Variants in WASF3 observed in about 807,000 individuals in gnomAD.
WASF3 encodes WASP family member 3, also known as actin-binding protein WASF3.
A neutral mutation model predicts 46.6 loss-of-function variants in WASF3; 11 were observed. The ratio of observed to expected loss-of-function variants is 0.24; its 90% CI spans 0.15 to 0.39. The LOEUF is 0.39. Ranked by LOEUF, WASF3 falls within the 10% of genes least tolerant of loss-of-function variation. The pLI is 1.00. For synonymous variants in WASF3, 242 were observed against 259.7 expected (o/e 0.93, Z 0.65); for missense variants, 576 against 669.8 (o/e 0.86, Z 1.55).
chr13:26,642,379 A>G lies in WASF3; in HGVS notation c.109A>G (p.Ile37Val), dbSNP rs143970554. 4.9e-5 allele frequency: 79 copies of G among 1,606,026 alleles called. No individual in the cohort carries two copies. The African/African-American group carries it at 8.5e-4, about 17-fold the overall frequency. ...ECVTNSTLAA[I>V]IRQLSSLSKH... ...TGTAACCAATAGTACTCTTGCCGCT[A>G]TCATACGCCAGCTGAGCAGTCTGAG... Residue 37 changes from isoleucine to valine, a missense_variant, in exon 3 of 10, where the codon ATC (isoleucine) becomes GTC (valine). Ile to Val is a conservative substitution (Grantham distance 29, BLOSUM62 3). Around this residue, in one of 3 missense-constraint regions of WASF3, gnomAD observed 213 missense variants for 278.0 expected, o/e 0.77. Coordinates refer to ENST00000335327, the MANE Select transcript of WASF3 (RefSeq NM_006646.6).
chr13:26,616,992 T>A (rs1881154351), intron 2 of WASF3, among the ~76,000 whole-genome samples: 1 of 152,240 alleles, frequency 6.6e-6, no homozygotes, highest in Admixed American at 6.5e-5. Context: ...CATTTCTGAT[T>A]GAATTGTATT....
At chr13:26,673,555 C>T (rs181441930) in intron 6 of WASF3, among the ~76,000 whole-genome samples, 17 of 152,182 alleles carry the variant, frequency 1.1e-4, no homozygotes, top group Admixed American at 2.6e-4. Context: ...CATATAGGTC[C>T]GCTTCATATG....
chr13:26,678,866 C>G (rs1593186323), intron 7 of WASF3, among the ~76,000 whole-genome samples: 1 of 152,186 alleles, frequency 6.6e-6, no homozygotes, highest in Admixed American at 6.5e-5. Flanking sequence ...ACCCAAAAAA[C>G]CCTGGGGGAT....
intron 2 of WASF3, among the ~76,000 whole-genome samples, chr13:26,635,870 G>A (rs972541981): frequency 2.6e-5 from 4 of 152,278 alleles, no homozygotes; most frequent in South Asian, 4.1e-4. Context: ...TGCCTGATGC[G>A]TCCTCTGAAA....
In WASF3 at chr13:26,685,968, C is replaced by A; in HGVS notation, c.*123C>A. 7.6e-7 allele frequency: 1 copy of A among 1,323,406 alleles called. No individual in the cohort carries two copies. Among genetic ancestry groups the A allele is most frequent in the Non-Finnish European group, 1.0e-6 (1 of 992,554 alleles). 82.0% of individuals were successfully genotyped at this position (1,323,406 alleles called of 1,614,324 possible). A position where few individuals can be genotyped will look rare whatever the true frequency, so the allele number is the denominator to read the frequency against. ...CTTTTGTATAAACAATGTGATATTG[C>A]TTCTGCACATCCAAAAATTCTGGGT... On this transcript the variant is annotated 3_prime_UTR_variant, in exon 10 of 10. Coordinates refer to ENST00000335327, the MANE Select transcript of WASF3 (RefSeq NM_006646.6).
At chr13:26,685,625 C>A in intron 9 of WASF3, 63 bp from the exon 10 acceptor site, 2 of 1,582,826 alleles carry the variant, frequency 1.3e-6, no homozygotes, top group South Asian at 2.3e-5. Flanking sequence ...CATATTTGTT[C>A]GTTTATCTTT....
At chr13:26,585,187 A>G (rs1880094730) in intron 1 of WASF3, among the ~76,000 whole-genome samples, 1 of 152,084 alleles carries the variant, frequency 6.6e-6, no homozygotes, top group Non-Finnish European at 1.5e-5. Context: ...CAAATTGACA[A>G]GAACTTGGAG....
the WASF3 span, among the ~76,000 whole-genome samples, chr13:26,551,804 G>A: frequency 1.3e-5 from 2 of 152,170 alleles, no homozygotes; most frequent in African/African-American, 4.8e-5. Context: ...TATTTTTAAG[G>A]GCTTTATTTG....
chr13:26,582,992 G>C (rs1298570838), intron 1 of WASF3, among the ~76,000 whole-genome samples: 4 of 152,192 alleles, frequency 2.6e-5, no homozygotes, highest in African/African-American at 9.7e-5. Flanking sequence ...ATAATGACAG[G>C]CACCTCTATG....
chr13:26,669,495 C>T (rs1882868095), intron 5 of WASF3, among the ~76,000 whole-genome samples: 1 of 137,630 alleles, frequency 7.3e-6, no homozygotes, highest in Non-Finnish European at 1.5e-5. Flanking sequence ...ATAAGAAGTA[C>T]AAAGTGACTG....
chr13:26,635,496 G>A (rs12864079), intron 2 of WASF3, among the ~76,000 whole-genome samples: 36,314 of 152,182 alleles, frequency 0.24, 4,977 homozygotes, highest in Non-Finnish European at 0.32. Context: ...CTGTCAACTC[G>A]TCAAAGTCAT....
chr13:26,676,437 T>C, intron 6 of WASF3, 112 bp from the exon 7 acceptor site: 1 of 1,160,650 alleles, frequency 8.6e-7, no homozygotes, highest in Middle Eastern at 2.6e-4. Flanking sequence ...GAAATGCGAA[T>C]GTGTCTTGTC....
At chr13:26,598,934 G>A (rs1029880741) in intron 1 of WASF3, among the ~76,000 whole-genome samples, 1 of 152,034 alleles carries the variant, frequency 6.6e-6, no homozygotes, top group South Asian at 2.1e-4. Context: ...GCACTGGCAC[G>A]ATCTTGGCTC....
At chr13:26,646,069 A>T (rs932929840) in intron 3 of WASF3, among the ~76,000 whole-genome samples, 12 of 152,248 alleles carry the variant, frequency 7.9e-5, no homozygotes, top group Non-Finnish European at 1.6e-4. Context: ...AAAATAATTG[A>T]TAAGTCACAT....
intron 1 of WASF3, among the ~76,000 whole-genome samples, chr13:26,593,873 T>G (rs1374192834): frequency 6.6e-6 from 1 of 152,218 alleles, no homozygotes; most frequent in African/African-American, 2.4e-5. Context: ...AATTTATAGC[T>G]CTAACATAGT....
In WASF3 at chr13:26,570,812, G is replaced by A. The variant is rs1189422184; in HGVS notation, c.-109+12993G>A. Among the ~76,000 whole-genome samples, 4 of 152,126 alleles carry A rather than the reference G, an allele frequency of 2.6e-5. No individual in the cohort carries two copies. In the East Asian group the frequency reaches 5.8e-4, roughly 22 times the overall value. On this transcript the variant is annotated intron_variant, in intron 1 of 9. Transcript: ENST00000335327. ...GCAGGAGGTTTAATTTGGGAATAAA[G>A]TCCTCAAATTTGGATTTCTGGGTTG...
At chr13:26,574,922 C>T (rs1879748482) in intron 1 of WASF3, among the ~76,000 whole-genome samples, 1 of 151,518 alleles carries the variant, frequency 6.6e-6, no homozygotes, top group African/African-American at 2.4e-5. Context: ...CTGCAAGCTG[C>T]ACCTCCTGGG....
At chr13:26,590,711 T>C (rs523671) in intron 1 of WASF3, among the ~76,000 whole-genome samples, 128,563 of 152,210 alleles carry the variant, frequency 0.84, 54,327 homozygotes, top group East Asian at 0.91. Flanking sequence ...ATACACTTTT[T>C]ATCCTTTCAG....
intron 1 of WASF3, among the ~76,000 whole-genome samples, chr13:26,558,671 G>T (rs1264564278): frequency 1.3e-5 from 2 of 152,176 alleles, no homozygotes; most frequent in African/African-American, 2.4e-5. Flanking sequence ...TATGTGATGG[G>T]CTTAGGGATC....
Sources: gnomAD v4.1 joint callset for allele counts (sites outside exome capture counted in the v4.1 genomes callset) on GRCh38, gnomAD v4.1.1 for gene constraint, gnomAD v4.1.1 regional missense constraint, MANE v1.5 for transcripts, NCBI Gene and HGNC (gene_info 2026-07-23, HGNC 2026-07-21) for gene names.